Variants in LRRIQ1 observed in about 807,000 individuals in gnomAD.
LRRIQ1 encodes leucine-rich repeat- and IQ domain-containing protein 1.
Under a neutral mutation model 211.9 loss-of-function variants are expected in LRRIQ1, and 210 were observed. The observed-to-expected ratio is 0.99, with a 90% confidence interval of 0.89 to 1.11. The LOEUF (loss-of-function observed/expected upper bound fraction) is 1.11. Among genes scored for constraint, LRRIQ1 ranks in the 50% most tolerant of loss-of-function variants. The probability of loss-of-function intolerance (pLI) is 0.00; values close to 1 mark genes in which losing one functional copy is unlikely to be tolerated. For missense variants in LRRIQ1, 2,136 were observed against 1,939.5 expected (o/e 1.10, Z -1.90); for synonymous variants, 699 against 650.1 (o/e 1.08, Z -1.14).
intron 23 of LRRIQ1, among the ~76,000 whole-genome samples, chr12:85,157,376 A>G (rs566692619): frequency 3.3e-5 from 5 of 151,988 alleles, no homozygotes; most frequent in African/African-American, 1.2e-4. Context: ...TATACAGTTT[A>G]TGTTTGGGTT....
intron 4 of LRRIQ1, among the ~76,000 whole-genome samples, 180 bp from the exon 5 acceptor site, chr12:85,045,840 A>T (rs890648796): frequency 6.6e-6 from 1 of 151,994 alleles, no homozygotes; most frequent in African/African-American, 2.4e-5. Context: ...GCATGGGAAA[A>T]TTTTTTATTC....
In LRRIQ1 at chr12:85,135,987, GA is replaced by G. The variant is rs1296203328; in HGVS notation, c.4210-1855del. Among the ~76,000 whole-genome samples the G allele has an allele frequency of 7.3e-5, 11 of 151,204 alleles. No homozygotes were observed. In the East Asian group the frequency reaches 9.7e-4, roughly 13 times the overall value. ...TTAGTTTGCAGATAGATATTTTTAG[GA>G]AAAAAAATATACCATGGGTACATAT... On this transcript the variant is annotated intron_variant, in intron 18 of 26. Transcript: ENST00000393217.
intron 11 of LRRIQ1, 53 bp downstream of exon 11, chr12:85,073,151 G>C: frequency 7.4e-7 from 1 of 1,357,116 alleles, no homozygotes; most frequent in Non-Finnish European, 1.0e-6. Flanking sequence ...TCTAGAGGAG[G>C]TATGGGGAGG....
intron 26 of LRRIQ1, among the ~76,000 whole-genome samples, chr12:85,238,463 G>T (rs933658655): frequency 6.6e-6 from 1 of 151,792 alleles, no homozygotes; most frequent in Non-Finnish European, 1.5e-5. Context: ...CAACAAGAAA[G>T]AAAAAAATTT....
chr12:85,145,152 A>G (rs1233444700), intron 19 of LRRIQ1, among the ~76,000 whole-genome samples: 1 of 151,650 alleles, frequency 6.6e-6, no homozygotes, highest in Non-Finnish European at 1.5e-5. Flanking sequence ...TGCTTACAAT[A>G]TGGCAGACAC....
At chr12:85,216,512 AT>A (rs1894095210) in intron 24 of LRRIQ1, among the ~76,000 whole-genome samples, 1 of 150,294 alleles carries the variant, frequency 6.7e-6, no homozygotes, top group Admixed American at 6.6e-5. Flanking sequence ...AATGTATATA[AT>A]TCTTTATATT....
chr12:85,116,827 G>T (rs1470955757), intron 15 of LRRIQ1, among the ~76,000 whole-genome samples: 1 of 151,336 alleles, frequency 6.6e-6, no homozygotes, highest in Non-Finnish European at 1.5e-5. Flanking sequence ...GCCTTAGTTT[G>T]CTAAGGATAA....
At chr12:85,103,885 T>C (rs927450035) in intron 13 of LRRIQ1, 119 bp from the exon 14 acceptor site, 13 of 399,416 alleles carry the variant, frequency 3.3e-5, no homozygotes, top group African/African-American at 4.3e-5. Flanking sequence ...TATAAAATTG[T>C]ATAAAATGTG....
downstream of LRRIQ1, among the ~76,000 whole-genome samples, chr12:85,265,198 T>G (rs1315369598): frequency 6.6e-6 from 1 of 152,056 alleles, no homozygotes; most frequent in Non-Finnish European, 1.5e-5. Context: ...TTTACTCTAG[T>G]GTGCTATAAT....
intron 19 of LRRIQ1, among the ~76,000 whole-genome samples, chr12:85,147,428 G>T (rs1001839279): frequency 1.3e-5 from 2 of 151,704 alleles, no homozygotes; most frequent in South Asian, 4.2e-4. Flanking sequence ...CTTACCATAG[G>T]CATCTGTATG....
chr12:85,043,122 T>C (rs1032707426), intron 3 of LRRIQ1, among the ~76,000 whole-genome samples: 1 of 152,138 alleles, frequency 6.6e-6, no homozygotes, highest in Non-Finnish European at 1.5e-5. Flanking sequence ...TTTTTGTTTA[T>C]TTTTATAAGG....
intron 15 of LRRIQ1, among the ~76,000 whole-genome samples, chr12:85,119,204 T>C (rs1171099124): frequency 6.6e-6 from 1 of 152,194 alleles, no homozygotes; most frequent in Non-Finnish European, 1.5e-5. Context: ...CTAGCGATCT[T>C]ACTGTCTAAA....
intron 24 of LRRIQ1, among the ~76,000 whole-genome samples, chr12:85,175,408 C>G (rs947386459): frequency 1.6e-4 from 24 of 152,134 alleles, no homozygotes; most frequent in Admixed American, 1.5e-3. Flanking sequence ...CAGATCAACT[C>G]TAAAGTAAAT....
Position 85,160,658 on chromosome 12 carries a change from T to C in LRRIQ1, c.4766T>C (p.Val1589Ala). The change falls in exon 24 of 27, where the codon GTG (valine) becomes GCG (alanine). Residue 1589 changes from valine to alanine, a missense_variant. Physicochemically the swap from Val to Ala is moderately conservative, Grantham distance 64. Transcript: ENST00000393217. Reference sequence around the variant, plus strand: ...TTATTCAAAAACAATGAAAATAAAGTGTCTCTTCCAAAATCACCAAAGATG... The same window carrying C: ...TTATTCAAAAACAATGAAAATAAAGCGTCTCTTCCAAAATCACCAAAGATG... ...LALFKNNENK[V>A]SLPKSPKMVQ... 1.2e-6 allele frequency: 2 copies of C among 1,611,128 alleles called. No individual in the cohort carries two copies. Among genetic ancestry groups the C allele is most frequent in the Admixed American group, 1.7e-5 (1 of 59,964 alleles).
At chr12:85,125,915 C>A (rs58479864) in intron 17 of LRRIQ1, among the ~76,000 whole-genome samples, 2 of 152,020 alleles carry the variant, frequency 1.3e-5, no homozygotes, top group Admixed American at 1.3e-4. Flanking sequence ...AAAGAATAAA[C>A]GGGAAAGAAA....
At chr12:85,106,733 G>A in intron 15 of LRRIQ1, 118 bp downstream of exon 15, 1 of 701,852 alleles carries the variant, frequency 1.4e-6, no homozygotes, top group Non-Finnish European at 2.3e-6. Flanking sequence ...AAAATTAAAA[G>A]TCATTTTAAA....
At chr12:85,122,298 A>G (rs896261750) in intron 16 of LRRIQ1, among the ~76,000 whole-genome samples, 2 of 152,162 alleles carry the variant, frequency 1.3e-5, no homozygotes, top group South Asian at 2.1e-4. Flanking sequence ...TTTATATTAC[A>G]TATTAAAATA....
chr12:85,144,162 A>G (rs996185943), intron 19 of LRRIQ1, among the ~76,000 whole-genome samples: 1 of 151,574 alleles, frequency 6.6e-6, no homozygotes, highest in Non-Finnish European at 1.5e-5. Flanking sequence ...GAGAACATGC[A>G]GTATTTGGTT....
chr12:85,089,827 TG>T (rs1565822871), intron 11 of LRRIQ1, among the ~76,000 whole-genome samples: 1 of 152,106 alleles, frequency 6.6e-6, no homozygotes, highest in South Asian at 2.1e-4. Context: ...AAAGCTTTTT[TG>T]GGGGGAGTAA....
Sources: gnomAD v4.1 joint callset for allele counts (sites outside exome capture counted in the v4.1 genomes callset) on GRCh38, gnomAD v4.1.1 for gene constraint, MANE v1.5 for transcripts, NCBI Gene and HGNC (gene_info 2026-07-23, HGNC 2026-07-21) for gene names.